Variants in HTATIP2 observed in about 807,000 individuals in gnomAD.
HTATIP2 encodes the protein HIV-1 Tat interactive protein 2.
Under a neutral mutation model 24.7 loss-of-function variants are expected in HTATIP2, and 26 were observed. The ratio of observed to expected loss-of-function variants is 1.05; its 90% CI spans 0.77 to 1.46. The LOEUF (loss-of-function observed/expected upper bound fraction) is 1.46, where lower values mean the gene tolerates loss of function less well. Ranked by LOEUF, HTATIP2 falls within the 40% of genes most tolerant of loss-of-function variation. HTATIP2 has a pLI of 0.00. For missense variants in HTATIP2, 284 were observed against 289.6 expected (o/e 0.98, Z 0.14); for synonymous variants, 99 against 113.2 (o/e 0.87, Z 0.79).
At position 20,363,791 on chromosome 11, in the gene HTATIP2, C is replaced by G; in HGVS notation, c.-447C>G. 4 of 1,242,860 alleles carry G rather than the reference C, an allele frequency of 3.2e-6. No homozygotes were observed. The South Asian group carries it at 1.6e-4, about 51-fold the overall frequency. The allele number at this position is 1,242,860 out of a possible 1,614,324, so 77.0% of individuals were successfully genotyped here. A position where few individuals can be genotyped will look rare whatever the true frequency, so the allele number is the denominator to read the frequency against. On this transcript the variant is annotated 5_prime_UTR_variant, in exon 1 of 5. Transcript: ENST00000451739. ...TCGCCTCCAACCCCCCCGGTCCGAC[C>G]AGGGAAGGTGGGATGCTCTGATGGC...
chr11:20,378,796 G>C (rs1848479413), intron 3 of HTATIP2, among the ~76,000 whole-genome samples: 1 of 152,194 alleles, frequency 6.6e-6, no homozygotes, highest in South Asian at 2.1e-4. Context: ...CTAGCACTTT[G>C]GGAGGCCGAG....
intron 1 of HTATIP2, among the ~76,000 whole-genome samples, chr11:20,364,969 C>T (rs2064679909): frequency 6.8e-6 from 1 of 147,020 alleles, no homozygotes; most frequent in Admixed American, 7.0e-5. Context: ...ATTCCCTTCA[C>T]TCTAAGTTAA....
At chr11:20,379,978 G>A (rs1222981473) in intron 3 of HTATIP2, among the ~76,000 whole-genome samples, 1 of 152,334 alleles carries the variant, frequency 6.6e-6, no homozygotes, top group African/African-American at 2.4e-5. Context: ...CTGGAGGAAA[G>A]TAGGTACAAG....
At chr11:20,372,311 T>C (rs2064780368) in intron 2 of HTATIP2, among the ~76,000 whole-genome samples, 1 of 152,180 alleles carries the variant, frequency 6.6e-6, no homozygotes, top group South Asian at 2.1e-4. Context: ...TACTATACCT[T>C]GTTAGGATGA....
intron 2 of HTATIP2, 184 bp from the exon 3 acceptor site, chr11:20,376,396 T>C: frequency 1.6e-6 from 1 of 621,132 alleles, no homozygotes; most frequent in South Asian, 2.1e-5. Context: ...CTGGTGTGCC[T>C]ATCCAGAGGA....
At chr11:20,371,057 A>G (rs1425559629) in intron 2 of HTATIP2, among the ~76,000 whole-genome samples, 2 of 152,236 alleles carry the variant, frequency 1.3e-5, no homozygotes, top group African/African-American at 4.8e-5. Context: ...GGACACAGCC[A>G]TGCTTATTAC....
chr11:20,373,760 A>G (rs557117715), intron 2 of HTATIP2, among the ~76,000 whole-genome samples: 54 of 152,174 alleles, frequency 3.5e-4, no homozygotes, highest in Non-Finnish European at 6.8e-4. Flanking sequence ...GAATTTTTCT[A>G]TGTAGTTTTG....
chr11:20,365,087 G>A (rs570441087), intron 1 of HTATIP2, among the ~76,000 whole-genome samples: 1 of 151,166 alleles, frequency 6.6e-6, no homozygotes. Flanking sequence ...AGGTTCAAGC[G>A]ATTCTTCTGC....
In HTATIP2 at chr11:20,382,869, C is replaced by T. The variant is rs573000580; in HGVS notation, c.504-111C>T. ...GACACCTTGGGGATTAGGGCTTCAA[C>T]ATTAGAATATTGAGGGGATACAGTT... On this transcript the variant is annotated intron_variant, in intron 4 of 4. Coordinates refer to ENST00000451739, the MANE Select transcript of HTATIP2 (RefSeq NM_001098522.2). 4.0e-4 allele frequency: 295 copies of T among 731,402 alleles called. No individual in the cohort carries two copies. The African/African-American group carries it at 4.5e-3, about 11-fold the overall frequency. 45.3% of individuals were successfully genotyped at this position (731,402 alleles called of 1,614,324 possible).
chr11:20,380,978 A>G (rs1051515154), intron 3 of HTATIP2, among the ~76,000 whole-genome samples: 1 of 152,178 alleles, frequency 6.6e-6, no homozygotes, highest in African/African-American at 2.4e-5. Flanking sequence ...AGGCAAATCT[A>G]TAGAGATAGA....
chr11:20,372,915 T>C (rs2064786750), intron 2 of HTATIP2, among the ~76,000 whole-genome samples: 1 of 152,198 alleles, frequency 6.6e-6, no homozygotes, highest in Non-Finnish European at 1.5e-5. Context: ...TTTTAAGTCT[T>C]TGAAAGCTGT....
chr11:20,376,544 C>G, intron 2 of HTATIP2, 36 bp from the exon 3 acceptor site: 1 of 1,612,762 alleles, frequency 6.2e-7, no homozygotes, highest in South Asian at 1.1e-5. Context: ...GAACTTGCTG[C>G]TTTTTGGAAA....
intron 2 of HTATIP2, among the ~76,000 whole-genome samples, chr11:20,369,099 CA>C (rs1282370710): frequency 1.3e-5 from 2 of 151,810 alleles, no homozygotes; most frequent in African/African-American, 4.8e-5. Context: ...GGGCTGTGTA[CA>C]ATATAAAGTT....
chr11:20,383,430 C>G lies in HTATIP2; in HGVS notation c.*225C>G. Reference sequence around the variant, plus strand: ...AAAAATAAAGATTTGTCAGCCCTATCTCAAACTTGAATCAAAATTTCTGGG... The same window carrying G: ...AAAAATAAAGATTTGTCAGCCCTATGTCAAACTTGAATCAAAATTTCTGGG... On this transcript the variant is annotated 3_prime_UTR_variant, in exon 5 of 5. Transcript: ENST00000451739. The G allele has an allele frequency of 2.0e-6, 1 of 497,860 alleles. No individual in the cohort carries two copies. Among genetic ancestry groups the G allele is most frequent in the South Asian group, 3.1e-5 (1 of 32,360 alleles). The allele number at this position is 497,860 out of a possible 1,614,324, so 30.8% of individuals were successfully genotyped here.
intron 3 of HTATIP2, among the ~76,000 whole-genome samples, chr11:20,379,151 GC>G (rs1303237277): frequency 6.6e-6 from 1 of 152,224 alleles, no homozygotes; most frequent in Admixed American, 6.5e-5. Context: ...TATGCCACTA[GC>G]TATTAAGTAA....
At position 20,383,051 on chromosome 11, in the gene HTATIP2, C is replaced by T. The variant is rs747115307; in HGVS notation, c.575C>T (p.Pro192Leu). 1 of 1,613,556 alleles carries T rather than the reference C, an allele frequency of 6.2e-7. No homozygotes were observed. Among genetic ancestry groups the T allele is most frequent in the Admixed American group, 1.7e-5 (1 of 59,928 alleles). The change falls in exon 5 of 5, where the codon CCA (proline) becomes CTA (leucine). Residue 192 changes from proline (P) to leucine (L), a missense_variant. By Grantham distance (98) the Pro-to-Leu change is moderately conservative. Coordinates refer to ENST00000451739, the MANE Select transcript of HTATIP2 (RefSeq NM_001098522.2). ...GTTAGAAAGTTCTTTGGCTCCTTAC[C>T]AGACTCTTGGGCCAGTGGGCATTCT... Reference protein sequence around the residue: ...WLVRKFFGSLPDSWASGHSVP... With the variant: ...WLVRKFFGSLLDSWASGHSVP...
intron 3 of HTATIP2, among the ~76,000 whole-genome samples, chr11:20,379,289 A>G (rs780928066): frequency 4.6e-5 from 7 of 152,216 alleles, no homozygotes; most frequent in Non-Finnish European, 7.3e-5. Context: ...ATTGGCCTGC[A>G]TTACCTGCAG....
chr11:20,380,827 C>T (rs1201452091), intron 3 of HTATIP2, among the ~76,000 whole-genome samples: 1 of 151,970 alleles, frequency 6.6e-6, no homozygotes, highest in Non-Finnish European at 1.5e-5. Flanking sequence ...TATATTCATG[C>T]AATAGAATAT....
At chr11:20,380,889 A>C (rs1345938074) in intron 3 of HTATIP2, among the ~76,000 whole-genome samples, 1 of 152,142 alleles carries the variant, frequency 6.6e-6, no homozygotes, top group Non-Finnish European at 1.5e-5. Context: ...TGAACCTTGA[A>C]AATATTATGC....
Sources: allele counts gnomAD v4.1 joint callset (sites outside exome capture counted in the v4.1 genomes callset), GRCh38; gene constraint gnomAD v4.1.1; transcripts MANE v1.5; gene names NCBI Gene and HGNC (gene_info 2026-07-23, HGNC 2026-07-21).